The following SCLT1 variants were observed in gnomAD, a reference collection of about 807,000 sequenced individuals.
SCLT1 encodes the protein sodium channel and clathrin linker 1, also known as sodium channel-associated protein 1.
SCLT1 carries 78 observed loss-of-function variants against 112.8 expected under a neutral mutation model. The observed-to-expected ratio is 0.69, with a 90% CI of 0.58 to 0.83. SCLT1 has a LOEUF of 0.83. Ranked by LOEUF, SCLT1 falls within the 40% of genes least tolerant of loss-of-function variation. The probability of loss-of-function intolerance (pLI) is 0.00; values close to 1 mark genes in which losing one functional copy is unlikely to be tolerated. For synonymous variants in SCLT1, 257 were observed against 254.7 expected (o/e 1.01, Z -0.09); for missense variants, 747 against 770.4 (o/e 0.97, Z 0.36).
chr4:129,025,777 A>C (rs13140471), intron 5 of SCLT1, among the ~76,000 whole-genome samples: 105,164 of 151,198 alleles, frequency 0.7, 39,826 homozygotes, highest in South Asian at 0.85. Context: ...GAGTCAAGAC[A>C]CATCAGTGTG....
intron 4 of SCLT1, among the ~76,000 whole-genome samples, chr4:129,042,901 C>T (rs1747833060): frequency 6.6e-6 from 1 of 151,982 alleles, no homozygotes; most frequent in Non-Finnish European, 1.5e-5. Flanking sequence ...GGTGAAACTC[C>T]ATCTCTACTA....
At chr4:129,005,482 G>C (rs1325725926) in intron 5 of SCLT1, among the ~76,000 whole-genome samples, 1 of 152,122 alleles carries the variant, frequency 6.6e-6, no homozygotes, top group Non-Finnish European at 1.5e-5. Flanking sequence ...TCTCACACCA[G>C]TTAGAATGGC....
intron 9 of SCLT1, chr4:128,970,677 G>C: frequency 2.0e-6 from 1 of 498,480 alleles, no homozygotes; most frequent in South Asian, 2.5e-5. Flanking sequence ...ATGGCGAAGG[G>C]TATGAAGTAG....
chr4:129,026,032 G>A (rs557430063), intron 5 of SCLT1, among the ~76,000 whole-genome samples: 25 of 152,298 alleles, frequency 1.6e-4, no homozygotes, highest in African/African-American at 5.8e-4. Flanking sequence ...GAATACAGGA[G>A]CACCCACATA....
intron 6 of SCLT1, among the ~76,000 whole-genome samples, chr4:129,003,135 G>A (rs760945623): frequency 1.3e-5 from 2 of 152,026 alleles, no homozygotes; most frequent in Non-Finnish European, 2.9e-5. Flanking sequence ...TCCTTTTCAG[G>A]GACATGGATG....
intron 15 of SCLT1, among the ~76,000 whole-genome samples, chr4:128,946,504 G>A (rs141468693): frequency 1.4e-4 from 22 of 152,290 alleles, no homozygotes; most frequent in African/African-American, 3.6e-4. Flanking sequence ...CCAGGAGATC[G>A]AGGCTGCAGT....
intron 2 of SCLT1, among the ~76,000 whole-genome samples, chr4:129,054,014 G>A (rs2125716658): frequency 6.6e-6 from 1 of 152,174 alleles, no homozygotes; most frequent in Middle Eastern, 3.4e-3. Context: ...CGCTTATGAA[G>A]TTTAGTTTGG....
intron 7 of SCLT1, among the ~76,000 whole-genome samples, chr4:128,998,185 A>G (rs1430987590): frequency 6.6e-6 from 1 of 151,920 alleles, no homozygotes; most frequent in Non-Finnish European, 1.5e-5. Flanking sequence ...AATTATTTCT[A>G]GAAATCATTT....
Position 128,927,357 on chromosome 4 carries a change from T to G in SCLT1, c.1829+9298A>C, listed in dbSNP as rs77987174. Among the ~76,000 whole-genome samples the G allele has an allele frequency of 5.6e-3, 857 of 152,156 alleles. 19 individuals are homozygous for G. Among genetic ancestry groups the G allele is most frequent in the African/African-American group, 0.019 (805 of 41,482 alleles). The stretch of plus-strand genomic sequence containing the variant: ...AGGCCAAGGCAGGAGGATCAGTTTC[T>G]TAAGTCCAGGAGTTCAAGACCAGAC... On this transcript the variant is annotated intron_variant, in intron 18 of 20. Transcript: ENST00000281142.
intron 2 of SCLT1, among the ~76,000 whole-genome samples, chr4:129,074,075 T>C (rs1751254037): frequency 6.6e-6 from 1 of 152,190 alleles, no homozygotes; most frequent in Non-Finnish European, 1.5e-5. Context: ...ATTTCTTTTG[T>C]CACCCTTAAT....
chr4:129,085,887 G>A (rs1017419986), intron 1 of SCLT1, among the ~76,000 whole-genome samples: 1 of 152,076 alleles, frequency 6.6e-6, no homozygotes, highest in African/African-American at 2.4e-5. Context: ...GAGAGGATCA[G>A]GACAAGCAAC....
chr4:128,965,536 CCAAA>C (rs1186802757), intron 10 of SCLT1, among the ~76,000 whole-genome samples: 5 of 152,142 alleles, frequency 3.3e-5, no homozygotes, highest in African/African-American at 4.8e-5. Context: ...AAAAAATACT[CCAAA>C]CAGTTATTGC....
intron 1 of SCLT1, among the ~76,000 whole-genome samples, chr4:129,090,896 T>C (rs899417804): frequency 2.6e-5 from 4 of 152,120 alleles, no homozygotes; most frequent in African/African-American, 9.7e-5. Context: ...AAATAGTAAT[T>C]ATCAGAGGAA....
At chr4:128,963,862 A>G (rs562705271) in intron 11 of SCLT1, among the ~76,000 whole-genome samples, 3 of 152,144 alleles carry the variant, frequency 2.0e-5, no homozygotes, top group Non-Finnish European at 4.4e-5. Flanking sequence ...TGTCACTTTT[A>G]TTATAGTCAT....
chr4:128,948,603 A>G (rs753402433), intron 14 of SCLT1, 33 bp from the exon 15 acceptor site: 1 of 1,467,514 alleles, frequency 6.8e-7, no homozygotes, highest in Non-Finnish European at 9.4e-7. Context: ...AAATATATAC[A>G]TTTGGTAACA....
chr4:128,990,930 A>T (rs1311977253), intron 9 of SCLT1, among the ~76,000 whole-genome samples: 1 of 151,958 alleles, frequency 6.6e-6, no homozygotes, highest in Non-Finnish European at 1.5e-5. Flanking sequence ...GAAATTGAAG[A>T]TGACACAAAA....
chr4:128,903,876 T>C (rs1579331963), intron 18 of SCLT1, among the ~76,000 whole-genome samples: 2 of 152,264 alleles, frequency 1.3e-5, no homozygotes, highest in Middle Eastern at 3.4e-3. Flanking sequence ...TTAGAGAAAA[T>C]AATTGAGAGT....
chr4:129,018,127 CT>C (rs758541643), intron 5 of SCLT1, among the ~76,000 whole-genome samples: 1 of 152,250 alleles, frequency 6.6e-6, no homozygotes, highest in Non-Finnish European at 1.5e-5. Flanking sequence ...CCATACTACG[CT>C]TCTTAGATTC....
intron 2 of SCLT1, among the ~76,000 whole-genome samples, chr4:129,050,112 G>A (rs1748628719): frequency 6.6e-6 from 1 of 152,132 alleles, no homozygotes. Context: ...GTGTATATGT[G>A]CCCCATTTTC....
Sources: allele counts gnomAD v4.1 joint callset (sites outside exome capture counted in the v4.1 genomes callset), GRCh38; gene constraint gnomAD v4.1.1; transcripts MANE v1.5; gene names NCBI Gene and HGNC (gene_info 2026-07-23, HGNC 2026-07-21).